Variants in POU6F2 observed in about 807,000 individuals in gnomAD.
The protein encoded by POU6F2 is POU class 6 homeobox 2.
In POU6F2, 31 loss-of-function variants were observed where a neutral mutation model predicts 71.3. That is an observed-to-expected ratio of 0.43 (90% confidence interval 0.33 to 0.59). POU6F2 has a LOEUF of 0.59. Ranked by LOEUF, POU6F2 falls within the 20% of genes least tolerant of loss-of-function variation. The pLI is 0.04. For missense variants in POU6F2, 783 were observed against 856.8 expected (o/e 0.91, Z 1.07); for synonymous variants, 347 against 355.7 (o/e 0.98, Z 0.27).
chr7:39,308,999 C>G (rs1785103334), intron 4 of POU6F2, among the ~76,000 whole-genome samples: 1 of 152,250 alleles, frequency 6.6e-6, no homozygotes, highest in African/African-American at 2.4e-5. Flanking sequence ...CACACGCCAC[C>G]TTTATGAGGT....
rs10522287 is a variant in POU6F2 at position 39,071,654 on chromosome 7, AACACACACACACAC to A, written c.106-14174_106-14161del. On this transcript the variant is annotated intron_variant, in intron 1 of 9. Coordinates refer to ENST00000518318, the MANE Select transcript of POU6F2 (RefSeq NM_001370959.1). ...CATGGTGAAACCCCATCTCTAAAGAAACACACACACACACACACACACACACACACACACACACA... is the reference window on the plus strand; with the variant it reads ...CATGGTGAAACCCCATCTCTAAAGAAACACACACACACACACACACACACA... Among the ~76,000 whole-genome samples the A allele has an allele frequency of 5.6e-3, 796 of 142,148 alleles. 13 individuals are homozygous for A. Among genetic ancestry groups the A allele is most frequent in the South Asian group, 0.033 (139 of 4,256 alleles). 93.3% of individuals were successfully genotyped at this position (142,148 alleles called of 152,430 possible). A position where few individuals can be genotyped will look rare whatever the true frequency, so the allele number is the denominator to read the frequency against.
chr7:39,401,854 A>T lies in POU6F2; in HGVS notation c.973-4746A>T, dbSNP rs1376728662. On this transcript the variant is annotated intron_variant, in intron 5 of 9. Transcript: ENST00000518318. ...ATACTCTATAAAATCCACATAGCTC[A>T]TGAGGAGAATGATAGAACTATAGAT... 3.3e-5 allele frequency among the ~76,000 whole-genome samples: 5 copies of T among 152,356 alleles called. 1 individual carries two copies. The highest frequency in any genetic ancestry group is 4.1e-4 in the South Asian group (2 of 4,828).
intron 4 of POU6F2, among the ~76,000 whole-genome samples, chr7:39,235,651 A>G (rs12672115): frequency 0.39 from 59,428 of 152,102 alleles, 12,642 homozygotes; most frequent in East Asian, 0.68. Context: ...GCTTTTTAAC[A>G]TATGGGGAGC....
chr7:39,029,834 G>A (rs1277362016), intron 1 of POU6F2, among the ~76,000 whole-genome samples: 1 of 151,836 alleles, frequency 6.6e-6, no homozygotes, highest in Non-Finnish European at 1.5e-5. Flanking sequence ...TATATTAAAT[G>A]GCATTTATAG....
intron 6 of POU6F2, among the ~76,000 whole-genome samples, chr7:39,423,983 G>A (rs1787911144): frequency 6.6e-6 from 1 of 152,200 alleles, no homozygotes; most frequent in Non-Finnish European, 1.5e-5. Context: ...ACAAACAACA[G>A]AAATATATTT....
chr7:39,116,430 T>C (rs1042777555), intron 2 of POU6F2, among the ~76,000 whole-genome samples: 2 of 152,232 alleles, frequency 1.3e-5, no homozygotes, highest in African/African-American at 4.8e-5. Context: ...ACTCATATAA[T>C]TAACTAGTGT....
At chr7:39,347,980 T>C (rs1225678407) in intron 5 of POU6F2, among the ~76,000 whole-genome samples, 1 of 143,870 alleles carries the variant, frequency 7.0e-6, no homozygotes, top group Non-Finnish European at 1.6e-5. Context: ...ATACTTGATA[T>C]AGGATAAAGA....
chr7:39,317,399 T>C (rs4723857), intron 4 of POU6F2, among the ~76,000 whole-genome samples: 104,412 of 152,142 alleles, frequency 0.69, 35,853 homozygotes, highest in Admixed American at 0.77. Context: ...AAGTCATCAC[T>C]GGTTGCCTGG....
intron 4 of POU6F2, among the ~76,000 whole-genome samples, chr7:39,222,003 T>G (rs935121887): frequency 6.6e-6 from 1 of 152,240 alleles, no homozygotes; most frequent in Non-Finnish European, 1.5e-5. Context: ...AAAAAAAGTC[T>G]TAACTCATTT....
At chr7:39,433,941 A>C (rs977831425) in intron 7 of POU6F2, among the ~76,000 whole-genome samples, 1 of 152,226 alleles carries the variant, frequency 6.6e-6, no homozygotes, top group African/African-American at 2.4e-5. Flanking sequence ...AATGTGAAGA[A>C]ACAGAAATAA....
At chr7:39,379,914 A>T (rs1163789169) in intron 5 of POU6F2, among the ~76,000 whole-genome samples, 1 of 152,232 alleles carries the variant, frequency 6.6e-6, no homozygotes. Flanking sequence ...GAGGGCATTT[A>T]TAGAACCTCA....
At chr7:39,292,968 C>A (rs1171743120) in intron 4 of POU6F2, among the ~76,000 whole-genome samples, 1 of 152,166 alleles carries the variant, frequency 6.6e-6, no homozygotes, top group Non-Finnish European at 1.5e-5. Context: ...CCCTTCCAAA[C>A]CCCGAATCTT....
chr7:39,379,757 T>C (rs111663494), intron 5 of POU6F2, among the ~76,000 whole-genome samples: 177 of 152,284 alleles, frequency 1.2e-3, no homozygotes, highest in African/African-American at 4.0e-3. Flanking sequence ...TGCCTTGCCC[T>C]CCTATCACCA....
intron 6 of POU6F2, among the ~76,000 whole-genome samples, chr7:39,424,401 G>A (rs778675814): frequency 3.3e-5 from 5 of 152,196 alleles, no homozygotes; most frequent in Non-Finnish European, 5.9e-5. Flanking sequence ...GTACCGTAGA[G>A]AAATCAATTA....
At chr7:38,979,343 G>C (rs1788257377) in intron 1 of POU6F2, among the ~76,000 whole-genome samples, 1 of 151,894 alleles carries the variant, frequency 6.6e-6, no homozygotes, top group East Asian at 1.9e-4. Context: ...AGCACTTCAG[G>C]GTTCTGAAAG....
At chr7:39,402,927 C>T (rs562008173) in intron 5 of POU6F2, among the ~76,000 whole-genome samples, 2 of 152,310 alleles carry the variant, frequency 1.3e-5, no homozygotes, top group African/African-American at 4.8e-5. Flanking sequence ...ACCATCAGAA[C>T]ATTAGCTACC....
Position 39,227,779 on chromosome 7 carries a change from G to A in POU6F2, c.598+20159G>A, listed in dbSNP as rs556919159. On this transcript the variant is annotated intron_variant, in intron 4 of 9. Coordinates refer to ENST00000518318, the MANE Select transcript of POU6F2 (RefSeq NM_001370959.1). ...TCACTGTGTTAGCGAGGATGGTCTC[G>A]ATCTTCTGACCTCATGATCTGCCTG... Among the ~76,000 whole-genome samples, 30 of 152,060 alleles carry A rather than the reference G, an allele frequency of 2.0e-4. 1 individual carries two copies. The highest frequency in any genetic ancestry group is 6.5e-4 in the African/African-American group (27 of 41,468).
chr7:39,163,051 T>C (rs1793030986), intron 2 of POU6F2, among the ~76,000 whole-genome samples: 1 of 152,208 alleles, frequency 6.6e-6, no homozygotes, highest in Non-Finnish European at 1.5e-5. Context: ...CTTTAACTCA[T>C]ACCAGTATGA....
At chr7:39,426,663 C>T (rs987135050) in intron 6 of POU6F2, among the ~76,000 whole-genome samples, 1 of 152,132 alleles carries the variant, frequency 6.6e-6, no homozygotes, top group Admixed American at 6.5e-5. Context: ...TAGGCTCTCA[C>T]CTTTTCATTC....
Sources: gnomAD v4.1 joint callset for allele counts (sites outside exome capture counted in the v4.1 genomes callset) on GRCh38, gnomAD v4.1.1 for gene constraint, MANE v1.5 for transcripts, NCBI Gene and HGNC (gene_info 2026-07-23, HGNC 2026-07-21) for gene names.